DNAJC15: variants seen among roughly 807,000 people sequenced by gnomAD.
DNAJC15 encodes the protein dnaJ homolog subfamily C member 15.
DNAJC15 carries 27 observed loss-of-function variants against 22.4 expected under a neutral mutation model. The ratio of observed to expected loss-of-function variants is 1.20; its 90% CI spans 0.89 to 1.66. The LOEUF (loss-of-function observed/expected upper bound fraction) is 1.66, where lower values mean the gene tolerates loss of function less well. Among genes scored for constraint, DNAJC15 ranks in the 40% most tolerant of loss-of-function variants. DNAJC15 has a pLI of 0.00. For synonymous variants in DNAJC15, 79 were observed against 63.2 expected (o/e 1.25, Z -1.19); for missense variants, 208 against 187.1 (o/e 1.11, Z -0.65).
intron 4 of DNAJC15, among the ~76,000 whole-genome samples, chr13:43,079,310 C>A (rs1323638893): frequency 2.6e-5 from 4 of 152,102 alleles, no homozygotes; most frequent in South Asian, 2.1e-4. Context: ...AACAAATCTT[C>A]TGATGATATA....
intron 5 of DNAJC15, among the ~76,000 whole-genome samples, chr13:43,088,376 CG>C (rs1331715540): frequency 6.6e-6 from 1 of 152,114 alleles, no homozygotes; most frequent in Admixed American, 6.5e-5. Flanking sequence ...TGCTCTGTCC[CG>C]GGGAAAATGT....
intron 5 of DNAJC15, among the ~76,000 whole-genome samples, chr13:43,090,799 C>T (rs1377063391): frequency 1.3e-5 from 2 of 151,412 alleles, no homozygotes; most frequent in African/African-American, 2.4e-5. Flanking sequence ...ACTGCGCCTC[C>T]TGGGTTCACA....
chr13:43,049,644 T>C (rs1462351210), intron 1 of DNAJC15, among the ~76,000 whole-genome samples: 2 of 152,248 alleles, frequency 1.3e-5, no homozygotes, highest in African/African-American at 4.8e-5. Flanking sequence ...TCAGGAGTTC[T>C]GTGTTGAGTT....
chr13:43,096,283 A>C (rs1054874921), intron 5 of DNAJC15, among the ~76,000 whole-genome samples: 1 of 152,248 alleles, frequency 6.6e-6, no homozygotes, highest in African/African-American at 2.4e-5. Flanking sequence ...AATTTTATGC[A>C]GTCCTAAGCT....
intron 1 of DNAJC15, among the ~76,000 whole-genome samples, chr13:43,047,374 G>T (rs1036437016): frequency 2.0e-5 from 3 of 152,172 alleles, no homozygotes; most frequent in Non-Finnish European, 4.4e-5. Flanking sequence ...TTTTGTTTGG[G>T]TGAGAGGTGA....
chr13:43,029,234 A>G (rs2040393910), intron 1 of DNAJC15, among the ~76,000 whole-genome samples: 1 of 152,236 alleles, frequency 6.6e-6, no homozygotes, highest in African/African-American at 2.4e-5. Flanking sequence ...ATAAATGTTT[A>G]TATATTTATA....
At chr13:43,025,067 G>C (rs994593103) in intron 1 of DNAJC15, among the ~76,000 whole-genome samples, 1 of 149,576 alleles carries the variant, frequency 6.7e-6, no homozygotes, top group Non-Finnish European at 1.5e-5. Context: ...CTCCAACAAA[G>C]AAAAAAAAAT....
intron 1 of DNAJC15, among the ~76,000 whole-genome samples, chr13:43,051,412 C>A (rs2262407): frequency 5.3e-5 from 8 of 152,116 alleles, no homozygotes. Context: ...AGTCTTTTAT[C>A]CCTCGCTCCC....
chr13:43,043,914 A>G (rs1223357517), intron 1 of DNAJC15, among the ~76,000 whole-genome samples: 3 of 152,094 alleles, frequency 2.0e-5, no homozygotes, highest in African/African-American at 4.8e-5. Context: ...GTCTTAATGT[A>G]GATTGGTTCA....
At chr13:43,088,870 CTGTT>C (rs202145494) in intron 5 of DNAJC15, among the ~76,000 whole-genome samples, 2,752 of 148,424 alleles carry the variant, frequency 0.019, 52 homozygotes, top group Non-Finnish European at 0.029. Flanking sequence ...ATTTACTGGA[CTGTT>C]TGTTTTGGAG....
chr13:43,085,229 C>G (rs908759044), intron 4 of DNAJC15, among the ~76,000 whole-genome samples: 1 of 151,906 alleles, frequency 6.6e-6, no homozygotes. Context: ...GGTGTGGTGG[C>G]GCGCGTCTGT....
chr13:43,097,905 C>T (rs959232910), intron 5 of DNAJC15, among the ~76,000 whole-genome samples: 1 of 152,126 alleles, frequency 6.6e-6, no homozygotes, highest in African/African-American at 2.4e-5. Flanking sequence ...CCATTGCACT[C>T]TAGCCTGGGC....
chr13:43,102,807 G>T (rs534090661), intron 5 of DNAJC15, among the ~76,000 whole-genome samples: 1 of 152,070 alleles, frequency 6.6e-6, no homozygotes, highest in Non-Finnish European at 1.5e-5. Context: ...TGGTTTCCTT[G>T]TGACATTTTC....
intron 5 of DNAJC15, among the ~76,000 whole-genome samples, chr13:43,102,536 G>C (rs1024919831): frequency 9.2e-5 from 14 of 152,286 alleles, no homozygotes; most frequent in African/African-American, 3.4e-4. Flanking sequence ...AGCACTTTGG[G>C]GGGAGGAGGC....
chr13:43,031,934 G>T (rs1261558086), intron 1 of DNAJC15, among the ~76,000 whole-genome samples: 1 of 152,234 alleles, frequency 6.6e-6, no homozygotes, highest in African/African-American at 2.4e-5. Flanking sequence ...TTCATAGCTA[G>T]TGGAGTTGTT....
intron 1 of DNAJC15, among the ~76,000 whole-genome samples, chr13:43,045,402 T>C (rs1025312262): frequency 6.6e-6 from 1 of 152,218 alleles, no homozygotes; most frequent in African/African-American, 2.4e-5. Flanking sequence ...AGCTACTGTC[T>C]TAAAATCCAA....
chr13:43,043,590 T>TGAG, intron 1 of DNAJC15, among the ~76,000 whole-genome samples: 1 of 152,244 alleles, frequency 6.6e-6, no homozygotes, highest in Non-Finnish European at 1.5e-5. Context: ...GATTTAACTT[T>TGAG]GAGGAGTTTT....
At chr13:43,102,441 A>T (rs1414042344) in intron 5 of DNAJC15, among the ~76,000 whole-genome samples, 2 of 151,970 alleles carry the variant, frequency 1.3e-5, no homozygotes, top group African/African-American at 4.8e-5. Context: ...AGCTTTTATT[A>T]TGAATGTGTG....
intron 5 of DNAJC15, among the ~76,000 whole-genome samples, chr13:43,101,098 T>C (rs967823580): frequency 1.3e-5 from 2 of 152,268 alleles, no homozygotes; most frequent in African/African-American, 4.8e-5. Flanking sequence ...TGTCAGGATA[T>C]GTCTTTTTCC....
Sources: allele counts gnomAD v4.1 joint callset (sites outside exome capture counted in the v4.1 genomes callset), GRCh38; gene constraint gnomAD v4.1.1; transcripts MANE v1.5; gene names NCBI Gene and HGNC (gene_info 2026-07-23, HGNC 2026-07-21).